STIM2: variants seen among roughly 807,000 people sequenced by gnomAD.
The protein encoded by STIM2 is stromal interaction molecule 2.
In STIM2, 31 loss-of-function variants were observed where a neutral mutation model predicts 85.8. That is an observed-to-expected ratio of 0.36 (90% CI 0.27 to 0.49). The LOEUF (loss-of-function observed/expected upper bound fraction) is 0.49. Among genes scored for constraint, STIM2 ranks in the 20% least tolerant of loss-of-function variants. The pLI, the probability that STIM2 is intolerant of heterozygous loss-of-function variation, is 0.98. For missense variants in STIM2, 841 were observed against 927.6 expected, an observed-to-expected ratio of 0.91 and a Z score of 1.21; for synonymous variants, 356 against 331.1, an observed-to-expected ratio of 1.08 and a Z score of -0.82.
chr4:27,000,522 G>A (rs1414680837), intron 5 of STIM2, among the ~76,000 whole-genome samples: 1 of 152,244 alleles, frequency 6.6e-6, no homozygotes, highest in African/African-American at 2.4e-5. Flanking sequence ...AGGAATTAAA[G>A]TATAGAATTT....
At chr4:26,920,113 C>G (rs940716385) in intron 2 of STIM2, among the ~76,000 whole-genome samples, 4 of 152,172 alleles carry the variant, frequency 2.6e-5, no homozygotes, top group Non-Finnish European at 5.9e-5. Context: ...TCTTATTCTG[C>G]ATAATGTCTT....
chr4:26,902,977 T>C (rs972899019), intron 1 of STIM2, among the ~76,000 whole-genome samples: 1 of 152,148 alleles, frequency 6.6e-6, no homozygotes, highest in East Asian at 1.9e-4. Context: ...TCTCTAATAT[T>C]ACAAAATACA....
chr4:26,949,130 C>T (rs993751212), intron 2 of STIM2, among the ~76,000 whole-genome samples: 3 of 151,882 alleles, frequency 2.0e-5, no homozygotes, highest in Non-Finnish European at 4.4e-5. Flanking sequence ...TCTTATTTTT[C>T]CTTATCCTAT....
intron 1 of STIM2, among the ~76,000 whole-genome samples, chr4:26,894,035 C>T (rs954728700): frequency 6.6e-6 from 1 of 151,962 alleles, no homozygotes; most frequent in African/African-American, 2.4e-5. Context: ...ATTACAGGTG[C>T]CCGCCACTGC....
intron 2 of STIM2, among the ~76,000 whole-genome samples, chr4:26,923,404 G>T (rs1577440347): frequency 1.3e-5 from 2 of 152,100 alleles, no homozygotes; most frequent in African/African-American, 2.4e-5. Context: ...GAGAGAAGAA[G>T]AATTTCATAT....
intron 1 of STIM2, among the ~76,000 whole-genome samples, chr4:26,916,374 C>G (rs1018761211): frequency 1.3e-5 from 2 of 152,276 alleles, no homozygotes; most frequent in Admixed American, 1.3e-4. Flanking sequence ...CATCATCTAC[C>G]GTTTCTGTTC....
intron 2 of STIM2, among the ~76,000 whole-genome samples, chr4:26,940,206 G>C (rs1560213796): frequency 6.6e-6 from 1 of 152,166 alleles, no homozygotes; most frequent in Non-Finnish European, 1.5e-5. Context: ...GGATTGAAAA[G>C]AACCTGCTTG....
At chr4:27,014,576 C>A (rs892066041) in intron 10 of STIM2, among the ~76,000 whole-genome samples, 20 of 150,648 alleles carry the variant, frequency 1.3e-4, no homozygotes, top group African/African-American at 4.9e-4. Flanking sequence ...TTTTGTATTT[C>A]CTGATACTTG....
intron 3 of STIM2, among the ~76,000 whole-genome samples, chr4:26,965,305 A>T (rs564801674): frequency 6.6e-6 from 1 of 152,134 alleles, no homozygotes; most frequent in African/African-American, 2.4e-5. Context: ...TTGCTCATTC[A>T]CTCTGTCAAC....
chr4:26,899,331 A>G (rs1231028593), intron 1 of STIM2, among the ~76,000 whole-genome samples: 4 of 152,126 alleles, frequency 2.6e-5, no homozygotes, highest in Non-Finnish European at 5.9e-5. Context: ...TTAATTTACA[A>G]ATATTTTTAG....
intron 1 of STIM2, among the ~76,000 whole-genome samples, chr4:26,885,110 CAG>C (rs1244600301): frequency 6.6e-6 from 1 of 152,134 alleles, no homozygotes; most frequent in Non-Finnish European, 1.5e-5. Flanking sequence ...TGCAAAAACA[CAG>C]ATACTCTTAA....
In STIM2 at chr4:27,008,779, G is replaced by A. The variant is rs1728461977; in HGVS notation, c.1266G>A (p.Glu422=). The A allele has an allele frequency of 1.2e-6, 2 of 1,614,008 alleles. No individual in the cohort carries two copies. The highest frequency in any genetic ancestry group is 2.7e-5 in the African/African-American group (2 of 74,908). The change falls in exon 10 of 12, where the codon GAG becomes GAA. Residue 422 remains glutamate, a synonymous_variant. Coordinates refer to ENST00000467087, the MANE Select transcript of STIM2 (RefSeq NM_020860.4). ...GCTTTTCCAGGAAAGCTCTCTCTGA[G>A]TTGACAACTTGTTTACGAGAACGAC... is the stretch of plus-strand genomic sequence containing the variant.
intron 1 of STIM2, among the ~76,000 whole-genome samples, chr4:26,894,066 T>C (rs2109046910): frequency 6.6e-6 from 1 of 152,284 alleles, no homozygotes; most frequent in South Asian, 2.1e-4. Context: ...TTTTTATATT[T>C]TCAGTAAAAA....
intron 1 of STIM2, among the ~76,000 whole-genome samples, chr4:26,898,024 C>T (rs1359871990): frequency 6.6e-6 from 1 of 152,192 alleles, no homozygotes; most frequent in Non-Finnish European, 1.5e-5. Flanking sequence ...ACCTTGGCTT[C>T]CCAAAGTGCT....
At chr4:26,939,642 A>G (rs1046718121) in intron 2 of STIM2, among the ~76,000 whole-genome samples, 2 of 152,064 alleles carry the variant, frequency 1.3e-5, no homozygotes, top group Non-Finnish European at 2.9e-5. Flanking sequence ...ATGTCTTTTA[A>G]GTGTTAATTG....
intron 10 of STIM2, among the ~76,000 whole-genome samples, chr4:27,009,868 A>G (rs1161498989): frequency 6.6e-6 from 1 of 152,230 alleles, no homozygotes; most frequent in Non-Finnish European, 1.5e-5. Context: ...CTTTTGTTTG[A>G]AAACTATAGC....
In STIM2 at chr4:27,023,498, CTG is replaced by C. The variant is rs1728983131; in HGVS notation, c.*504_*505del. 2 of 157,344 alleles carry C rather than the reference CTG, an allele frequency of 1.3e-5. No individual in the cohort carries two copies. Among genetic ancestry groups the C allele is most frequent in the Admixed American group, 6.0e-5 (1 of 16,570 alleles). 9.7% of individuals were successfully genotyped at this position (157,344 alleles called of 1,614,324 possible). Reference sequence around the variant, plus strand: ...AAAAAAAAAATCTCTGCAAGTGAAACTGTATAGAGTTTATAAAATGACTATGG... The same window carrying C: ...AAAAAAAAAATCTCTGCAAGTGAAACTATAGAGTTTATAAAATGACTATGG... On this transcript the variant is annotated 3_prime_UTR_variant, in exon 12 of 12. Coordinates refer to ENST00000467087, the MANE Select transcript of STIM2 (RefSeq NM_020860.4).
intron 1 of STIM2, among the ~76,000 whole-genome samples, chr4:26,884,330 A>G (rs978533647): frequency 2.0e-5 from 3 of 152,240 alleles, no homozygotes; most frequent in African/African-American, 7.2e-5. Context: ...AGCAATAAAG[A>G]TCAGTATAGG....
At chr4:26,920,615 TGTCTA>T (rs1456339126) in intron 2 of STIM2, among the ~76,000 whole-genome samples, 1 of 152,198 alleles carries the variant, frequency 6.6e-6, no homozygotes, top group East Asian at 1.9e-4. Context: ...ACAGTGACAG[TGTCTA>T]GTAACATTGT....
Sources: gnomAD v4.1 joint callset for allele counts (sites outside exome capture counted in the v4.1 genomes callset) on GRCh38, gnomAD v4.1.1 for gene constraint, MANE v1.5 for transcripts, NCBI Gene and HGNC (gene_info 2026-07-23, HGNC 2026-07-21) for gene names.